Variants in MARCHF1 observed in about 807,000 individuals in gnomAD.
The protein encoded by MARCHF1 is E3 ubiquitin-protein ligase MARCHF1.
A neutral mutation model predicts 54.2 loss-of-function variants in MARCHF1; 40 were observed. The ratio of observed to expected loss-of-function variants is 0.74; its 90% CI spans 0.57 to 0.96. The LOEUF (loss-of-function observed/expected upper bound fraction) is 0.96, where lower values mean the gene tolerates loss of function less well. Ranked by LOEUF, MARCHF1 falls within the 40% of genes least tolerant of loss-of-function variation. The pLI is 0.00. For synonymous variants in MARCHF1, 236 were observed against 236.3 expected, an observed-to-expected ratio of 1.00 and a Z score of 0.01; for missense variants, 586 against 656.5, an observed-to-expected ratio of 0.89 and a Z score of 1.17.
At chr4:164,371,452 T>G (rs1324714378) in intron 1 of MARCHF1, among the ~76,000 whole-genome samples, 3 of 152,042 alleles carry the variant, frequency 2.0e-5, no homozygotes, top group African/African-American at 7.2e-5. Flanking sequence ...TAACACAACT[T>G]AAAAACAAGG....
At chr4:164,030,219 A>G (rs1753849379) in intron 2 of MARCHF1, among the ~76,000 whole-genome samples, 1 of 152,038 alleles carries the variant, frequency 6.6e-6, no homozygotes, top group South Asian at 2.1e-4. Flanking sequence ...AAAATATTTT[A>G]TAAAACAGAG....
intron 1 of MARCHF1, among the ~76,000 whole-genome samples, chr4:164,135,978 T>A (rs538311625): frequency 6.6e-6 from 1 of 152,208 alleles, no homozygotes; most frequent in Non-Finnish European, 1.5e-5. Context: ...CTTTAGAAAC[T>A]TTAGGTAAGA....
At chr4:164,219,708 C>T (rs1048558673) in intron 1 of MARCHF1, among the ~76,000 whole-genome samples, 1 of 151,936 alleles carries the variant, frequency 6.6e-6, no homozygotes, top group Non-Finnish European at 1.5e-5. Context: ...TTCCTCTATA[C>T]ATTTCTAAAG....
chr4:164,130,839 G>GA (rs1756286480), intron 1 of MARCHF1, among the ~76,000 whole-genome samples: 3 of 151,942 alleles, frequency 2.0e-5, no homozygotes, highest in Non-Finnish European at 2.9e-5. Flanking sequence ...GTCGTTATAT[G>GA]TTACAAATCT....
intron 3 of MARCHF1, among the ~76,000 whole-genome samples, chr4:163,983,580 G>A (rs574214362): frequency 6.6e-5 from 10 of 152,162 alleles, no homozygotes; most frequent in African/African-American, 2.4e-4. Context: ...TACTCTTTGG[G>A]GATAATAATT....
chr4:163,906,197 T>G (rs1331628853), intron 3 of MARCHF1, among the ~76,000 whole-genome samples: 1 of 152,042 alleles, frequency 6.6e-6, no homozygotes, highest in Non-Finnish European at 1.5e-5. Context: ...CACAGGAGGA[T>G]TTCTTGTTGA....
chr4:164,074,440 G>A (rs1408391246), intron 2 of MARCHF1, among the ~76,000 whole-genome samples: 2 of 152,050 alleles, frequency 1.3e-5, no homozygotes. Flanking sequence ...CTTGAGAATG[G>A]GAATAAATGT....
intron 4 of MARCHF1, among the ~76,000 whole-genome samples, chr4:163,712,352 A>C (rs552910468): frequency 6.6e-6 from 1 of 152,276 alleles, no homozygotes; most frequent in South Asian, 2.1e-4. Flanking sequence ...AAAAAATAAA[A>C]AGTTGTGTGT....
At chr4:163,855,117 A>C (rs746884082) in intron 3 of MARCHF1, among the ~76,000 whole-genome samples, 1 of 152,192 alleles carries the variant, frequency 6.6e-6, no homozygotes, top group Non-Finnish European at 1.5e-5. Flanking sequence ...AAGAAAAGTA[A>C]CATAAGAACG....
chr4:164,235,565 T>C (rs901804538), intron 1 of MARCHF1, among the ~76,000 whole-genome samples: 2 of 152,104 alleles, frequency 1.3e-5, no homozygotes, highest in African/African-American at 4.8e-5. Context: ...GCCGGTTATA[T>C]GCAGAAACTG....
intron 4 of MARCHF1, among the ~76,000 whole-genome samples, chr4:163,740,078 TCA>T (rs1357889692): frequency 2.6e-5 from 4 of 152,186 alleles, no homozygotes; most frequent in African/African-American, 7.2e-5. Flanking sequence ...TAAACTTGGT[TCA>T]CAGTTATTTA....
intron 2 of MARCHF1, among the ~76,000 whole-genome samples, chr4:164,099,576 T>A (rs150017612): frequency 1.1e-4 from 17 of 152,298 alleles, no homozygotes; most frequent in African/African-American, 4.1e-4. Flanking sequence ...TAGAAAGCAA[T>A]GAAGCATAAA....
rs1217456565 is a variant in MARCHF1 at position 163,666,666 on chromosome 4, T to C, written c.162+34147A>G. Among the ~76,000 whole-genome samples, 4 of 152,192 alleles carry C rather than the reference T, an allele frequency of 2.6e-5. No homozygotes were observed. In the South Asian group the frequency reaches 8.3e-4, roughly 32 times the overall value. On this transcript the variant is annotated intron_variant, in intron 5 of 9. Coordinates refer to ENST00000514618, the MANE Select transcript of MARCHF1 (RefSeq NM_001394959.1). ...TGTTCAGTTTATTTTCAGGGAACAGTAGGATCAGACAGAAGATGTCTTGTC... is the reference window on the plus strand; with the variant it reads ...TGTTCAGTTTATTTTCAGGGAACAGCAGGATCAGACAGAAGATGTCTTGTC...
intron 1 of MARCHF1, among the ~76,000 whole-genome samples, chr4:164,171,725 T>A (rs7658886): frequency 0.045 from 6,916 of 152,232 alleles, 216 homozygotes; most frequent in Middle Eastern, 0.15. Context: ...GTATACTGAC[T>A]TTTTCTGTCA....
chr4:164,312,456 G>T (rs372547025), intron 1 of MARCHF1, among the ~76,000 whole-genome samples: 1 of 150,778 alleles, frequency 6.6e-6, no homozygotes, highest in East Asian at 2.0e-4. Context: ...CCGAGTAGCT[G>T]GGACTACAGG....
chr4:163,718,427 A>G (rs1409181125), intron 4 of MARCHF1, among the ~76,000 whole-genome samples: 2 of 152,242 alleles, frequency 1.3e-5, no homozygotes, highest in Non-Finnish European at 2.9e-5. Flanking sequence ...TAATATCCAG[A>G]ATCTACAATG....
At chr4:163,750,850 C>T (rs1746500367) in intron 4 of MARCHF1, among the ~76,000 whole-genome samples, 1 of 152,002 alleles carries the variant, frequency 6.6e-6, no homozygotes, top group Admixed American at 6.6e-5. Flanking sequence ...GTATTTCTCT[C>T]TGGTATGTAA....
chr4:163,862,467 A>G (rs1749959994), intron 3 of MARCHF1, among the ~76,000 whole-genome samples: 1 of 152,106 alleles, frequency 6.6e-6, no homozygotes, highest in Non-Finnish European at 1.5e-5. Flanking sequence ...GCTCAACATT[A>G]TATGTCATTA....
At chr4:163,672,653 CTAT>C (rs2111135237) in intron 5 of MARCHF1, among the ~76,000 whole-genome samples, 1 of 152,142 alleles carries the variant, frequency 6.6e-6, no homozygotes, top group South Asian at 2.1e-4. Flanking sequence ...CCATTGAAAA[CTAT>C]ATTTTCCTAT....
Sources: allele counts gnomAD v4.1 joint callset (sites outside exome capture counted in the v4.1 genomes callset), GRCh38; gene constraint gnomAD v4.1.1; transcripts MANE v1.5; gene names NCBI Gene and HGNC (gene_info 2026-07-23, HGNC 2026-07-21).